Variants in SLC26A11 observed in about 807,000 individuals in gnomAD.
The protein encoded by SLC26A11 is sodium-independent sulfate anion transporter.
SLC26A11 carries 58 observed loss-of-function variants against 62.2 expected under a neutral mutation model. The observed-to-expected ratio is 0.93, with a 90% confidence interval of 0.76 to 1.16. The LOEUF is 1.16. Among genes scored for constraint, SLC26A11 ranks in the 50% most tolerant of loss-of-function variants. SLC26A11 has a pLI of 0.00. For missense variants in SLC26A11, 790 were observed against 794.3 expected, an observed-to-expected ratio of 0.99 and a Z score of 0.06; for synonymous variants, 411 against 368.9, an observed-to-expected ratio of 1.11 and a Z score of -1.31.
Position 80,223,317 on chromosome 17 carries a change from A to G in SLC26A11, c.493A>G (p.Ile165Val), listed in dbSNP as rs144577972. Residue 165 changes from isoleucine (I) to valine (V), a missense_variant, in exon 5 of 18, where the codon ATC (isoleucine) becomes GTC (valine). Coordinates refer to ENST00000361193, the MANE Select transcript of SLC26A11 (RefSeq NM_001166347.2). This position sits in a 1 kb window ranked among gnomAD's most constrained non-coding sequence, Gnocchi z 4.6. The part of the protein sequence containing the change: ...KGFTSAAAVT[I>V]GFGQIKNLLG... ...CTTCACCTCTGCTGCTGCCGTCACC[A>G]TCGGCTTTGGACAGATCAAGGTAGG... The G allele has an allele frequency of 6.9e-5, 112 of 1,614,040 alleles. No homozygotes were observed. The African/African-American group carries it at 1.3e-3, about 18-fold the overall frequency.
At chr17:80,225,210 A>G (rs2042376359) in intron 5 of SLC26A11, among the ~76,000 whole-genome samples, 3 of 151,920 alleles carry the variant, frequency 2.0e-5, no homozygotes, top group African/African-American at 4.8e-5. Context: ...AAAAAAAACT[A>G]AACTAAAACA....
At chr17:80,250,018 A>T (rs8076666) in intron 16 of SLC26A11, among the ~76,000 whole-genome samples, 1 of 152,104 alleles carries the variant, frequency 6.6e-6, no homozygotes, top group African/African-American at 2.4e-5. Flanking sequence ...GTTCAGAGCC[A>T]CAGGTAAAGT....
Position 80,225,730 on chromosome 17 carries a change from G to T in SLC26A11, c.514-107G>T, listed in dbSNP as rs1387650507. ...CCCCGGGAATAAGGGTTGGGAGCAG[G>T]GCCGGGGGACACTGTCTCAGCCCTA... On this transcript the variant is annotated intron_variant, in intron 5 of 17. Coordinates refer to ENST00000361193, the MANE Select transcript of SLC26A11 (RefSeq NM_001166347.2). The T allele has an allele frequency of 3.0e-6, 3 of 992,656 alleles. No individual in the cohort carries two copies. The African/African-American group carries it at 4.8e-5, about 16-fold the overall frequency. 61.5% of individuals were successfully genotyped at this position (992,656 alleles called of 1,614,324 possible).
intron 7 of SLC26A11, among the ~76,000 whole-genome samples, chr17:80,235,097 G>C (rs1041653805): frequency 2.0e-5 from 3 of 152,042 alleles, no homozygotes; most frequent in African/African-American, 7.2e-5. Flanking sequence ...TGATTCAGCT[G>C]CCTCGGCCTC....
rs748780857 is a variant in SLC26A11, at chr17:80,237,115, CG to C, written c.912+15del. The C allele has an allele frequency of 1.2e-6, 2 of 1,603,202 alleles. No individual in the cohort carries two copies. Among genetic ancestry groups the C allele is most frequent in the Non-Finnish European group, 1.7e-6 (2 of 1,172,760 alleles). ...CCGAGATGGTGCAGGTGGGCGGAGC[CG>C]GGAGGCAGGATGGCGTGGCTGAGGC... On this transcript the variant is annotated intron_variant, in intron 8 of 17. Coordinates refer to ENST00000361193, the MANE Select transcript of SLC26A11 (RefSeq NM_001166347.2).
intron 7 of SLC26A11, among the ~76,000 whole-genome samples, chr17:80,234,033 C>CT (rs1431611909): frequency 6.6e-6 from 1 of 151,472 alleles, no homozygotes; most frequent in Non-Finnish European, 1.5e-5. Flanking sequence ...GAGACAGTGT[C>CT]TCGCTGTGTC....
rs1598852937 is a variant in SLC26A11 at position 80,252,812 on chromosome 17, CCTGG to C, written c.*100_*103del. ...GGATGCCGCCTGATAGACATGCTGG[CCTGG>C]CTGAGAAACCCCTGAGCAGGTAACC... is the stretch of plus-strand genomic sequence containing the variant. On this transcript the variant is annotated 3_prime_UTR_variant, in exon 18 of 18. Transcript: ENST00000361193. The surrounding 1 kb of genome is among the most constrained non-coding windows in gnomAD (Gnocchi z 5.2). 8.6e-7 allele frequency: 1 copy of C among 1,156,760 alleles called. No homozygotes were observed. Among genetic ancestry groups the C allele is most frequent in the East Asian group, 2.5e-5 (1 of 40,552 alleles). 71.7% of individuals were successfully genotyped at this position (1,156,760 alleles called of 1,614,324 possible).
rs772623076 is a variant in SLC26A11, at chr17:80,249,134, G to T, written c.1523-20G>T. On this transcript the variant is annotated intron_variant, in intron 15 of 17. Transcript: ENST00000361193. Reference sequence around the variant, plus strand: ...GGGCTGCTCTGGGTGGCGTGACCTGGCTCGGGCCTGTCTCCCCAGTGTCCC... The same window carrying T: ...GGGCTGCTCTGGGTGGCGTGACCTGTCTCGGGCCTGTCTCCCCAGTGTCCC... The T allele has an allele frequency of 1.3e-6, 2 of 1,599,626 alleles. No individual in the cohort carries two copies. The highest frequency in any genetic ancestry group is 2.7e-5 in the African/African-American group (2 of 74,798).
At position 80,228,333 on chromosome 17, in the gene SLC26A11, A is replaced by G. The variant is rs111355290; in HGVS notation, c.736+373A>G. On this transcript the variant is annotated intron_variant, in intron 7 of 17. Coordinates refer to ENST00000361193, the MANE Select transcript of SLC26A11 (RefSeq NM_001166347.2). The surrounding 1 kb of genome is among the most constrained non-coding windows in gnomAD (Gnocchi z 4.1). ...TTTATAGTAGAGACGGGGTTTCACC[A>G]TGTTGACCATACTGGTCTCAAACTC... Among the ~76,000 whole-genome samples the G allele has an allele frequency of 2.0e-5, 3 of 152,084 alleles. No homozygotes were observed. The highest frequency in any genetic ancestry group is 2.9e-5 in the Non-Finnish European group (2 of 68,020).
At chr17:80,221,244 C>T (rs905154727) in intron 2 of SLC26A11, 129 bp downstream of exon 2, 2 of 358,516 alleles carry the variant, frequency 5.6e-6, no homozygotes, top group African/African-American at 4.2e-5. Context: ...CTTCAGACTT[C>T]TCAATGAGGA....
chr17:80,224,260 T>G (rs1318366669), intron 5 of SLC26A11, among the ~76,000 whole-genome samples: 1 of 147,078 alleles, frequency 6.8e-6, no homozygotes, highest in African/African-American at 2.5e-5. Context: ...TGTGTGAGTG[T>G]GTGCGTGTGT....
intron 9 of SLC26A11, 54 bp from the exon 10 acceptor site, chr17:80,241,717 T>C (rs1270266520): frequency 6.4e-7 from 1 of 1,571,896 alleles, no homozygotes; most frequent in Non-Finnish European, 8.8e-7. Flanking sequence ...TGTGAATACT[T>C]TTTGAGCGAT....
At chr17:80,236,434 T>C (rs2042692547) in intron 7 of SLC26A11, among the ~76,000 whole-genome samples, 1 of 152,178 alleles carries the variant, frequency 6.6e-6, no homozygotes. Context: ...ATGGGGACCA[T>C]CGGGGAAACC....
chr17:80,225,758 G>C (rs936695402), intron 5 of SLC26A11, 79 bp from the exon 6 acceptor site: 1 of 1,252,864 alleles, frequency 8.0e-7, no homozygotes, highest in Non-Finnish European at 1.2e-6. Flanking sequence ...CAGCCCTAGG[G>C]GAGGTGGGCG....
At chr17:80,240,725 C>G (rs1190514225) in intron 9 of SLC26A11, among the ~76,000 whole-genome samples, 1 of 152,002 alleles carries the variant, frequency 6.6e-6, no homozygotes, top group Non-Finnish European at 1.5e-5. Context: ...ATCTCTTGAA[C>G]CCGGGAGGCA....
intron 9 of SLC26A11, among the ~76,000 whole-genome samples, chr17:80,238,148 A>G (rs2042750652): frequency 6.6e-6 from 1 of 152,218 alleles, no homozygotes; most frequent in African/African-American, 2.4e-5. Flanking sequence ...ACTTGAGCTC[A>G]GGAGTTTGAA....
At chr17:80,241,642 A>G (rs12943906) in intron 9 of SLC26A11, 129 bp from the exon 10 acceptor site, 308,769 of 892,346 alleles carry the variant, frequency 0.35, 54,775 homozygotes, top group Admixed American at 0.43. Context: ...AATATTTTAG[A>G]TGTGTATTCT....
Position 80,221,521 on chromosome 17 carries a change from C to T in SLC26A11, c.-13-27C>T, listed in dbSNP as rs770722001. 196 of 1,481,558 alleles carry T rather than the reference C, an allele frequency of 1.3e-4. 1 individual carries two copies. Among genetic ancestry groups the T allele is most frequent in the Admixed American group, 4.3e-5 (2 of 46,482 alleles). The allele number at this position is 1,481,558 out of a possible 1,614,324, so 91.8% of individuals were successfully genotyped here. ...TTCTTCAAAGGCCACGCTCTGACTG[C>T]TGGTCTGTGTCACCTGCACCCCCCA... On this transcript the variant is annotated intron_variant, in intron 2 of 17. Transcript: ENST00000361193.
chr17:80,247,018 C>T (rs955040345), intron 13 of SLC26A11, among the ~76,000 whole-genome samples: 2 of 151,578 alleles, frequency 1.3e-5, no homozygotes, highest in Admixed American at 6.6e-5. Flanking sequence ...GCAGGGCCAG[C>T]GGAACAGCCT....
Sources: gnomAD v4.1 joint callset for allele counts (sites outside exome capture counted in the v4.1 genomes callset) on GRCh38, gnomAD v4.1.1 for gene constraint, Gnocchi (gnomAD v3.1) non-coding constraint, MANE v1.5 for transcripts, NCBI Gene and HGNC (gene_info 2026-07-23, HGNC 2026-07-21) for gene names.